The following MAPKAP1 variants were observed in gnomAD, a reference collection of about 807,000 sequenced individuals.
MAPKAP1 encodes MAPK associated protein 1, also known as target of rapamycin complex 2 subunit MAPKAP1.
Under a neutral mutation model 65.7 loss-of-function variants are expected in MAPKAP1, and 20 were observed. The ratio of observed to expected loss-of-function variants is 0.30; its 90% CI spans 0.21 to 0.44. MAPKAP1 has a LOEUF of 0.44. Ranked by LOEUF, MAPKAP1 falls within the 20% of genes least tolerant of loss-of-function variation. The pLI is 1.00. For missense variants in MAPKAP1, 423 were observed against 648.0 expected (o/e 0.65, Z 3.77); for synonymous variants, 222 against 244.3 (o/e 0.91, Z 0.85).
chr9:125,652,331 G>C (rs983592238), intron 4 of MAPKAP1: 2 of 977,670 alleles, frequency 2.0e-6, no homozygotes, highest in South Asian at 3.0e-5. Context: ...CTATTAACCA[G>C]TATGTGTTAA....
At chr9:125,524,499 A>AATTATAT (rs544827029) in intron 7 of MAPKAP1, among the ~76,000 whole-genome samples, 625 of 152,366 alleles carry the variant, frequency 4.1e-3, no homozygotes, top group Middle Eastern at 0.01. Context: ...TAAGAAGCTG[A>AATTATAT]ATTATATATC....
intron 10 of MAPKAP1, among the ~76,000 whole-genome samples, chr9:125,459,621 C>G (rs866453355): frequency 6.6e-6 from 1 of 152,098 alleles, no homozygotes; most frequent in Non-Finnish European, 1.5e-5. Context: ...GAGACCAGCC[C>G]GGCCAACTCA....
At chr9:125,565,448 GT>G (rs1016829073) in intron 5 of MAPKAP1, 202 of 169,110 alleles carry the variant, frequency 1.2e-3, no homozygotes, top group South Asian at 3.3e-3. Flanking sequence ...AATGCTTATT[GT>G]TTTTTTTTTA....
rs138461359 is a variant in MAPKAP1 at position 125,484,302 on chromosome 9, T to C, written c.1207+141A>G. On this transcript the variant is annotated intron_variant, in intron 9 of 11. Transcript: ENST00000265960. ...AGTGGGAAAAAGGATGTACTTCAAATTCCATTGTTTAAACATTTTCTCAGA... is the reference window on the plus strand; with the variant it reads ...AGTGGGAAAAAGGATGTACTTCAAACTCCATTGTTTAAACATTTTCTCAGA... The C allele has an allele frequency of 9.2e-4, 792 of 863,042 alleles. 6 individuals carry two copies. In the African/African-American group the frequency reaches 0.013, roughly 14 times the overall value. The allele number at this position is 863,042 out of a possible 1,614,324, so 53.5% of individuals were successfully genotyped here. A position where few individuals can be genotyped will look rare whatever the true frequency, so the allele number is the denominator to read the frequency against.
intron 10 of MAPKAP1, among the ~76,000 whole-genome samples, chr9:125,456,874 G>A (rs1853181664): frequency 6.6e-6 from 1 of 151,750 alleles, no homozygotes; most frequent in Non-Finnish European, 1.5e-5. Context: ...CTGTAAGACA[G>A]TAAATGTTAC....
intron 4 of MAPKAP1, among the ~76,000 whole-genome samples, chr9:125,631,679 T>A (rs1186809035): frequency 6.6e-6 from 1 of 152,188 alleles, no homozygotes; most frequent in Non-Finnish European, 1.5e-5. Flanking sequence ...AAACTCTTCT[T>A]GATCAAGCCT....
intron 4 of MAPKAP1, among the ~76,000 whole-genome samples, chr9:125,628,691 T>TAC (rs1833183509): frequency 6.6e-6 from 1 of 152,036 alleles, no homozygotes; most frequent in South Asian, 2.1e-4. Context: ...ACCAAAAGCA[T>TAC]GGGTAATCAA....
At chr9:125,565,647 C>T (rs1358398044) in intron 5 of MAPKAP1, 1 of 392,882 alleles carries the variant, frequency 2.5e-6, no homozygotes. Flanking sequence ...TTAAGGTGAT[C>T]AAGATTTCCT....
intron 7 of MAPKAP1, among the ~76,000 whole-genome samples, chr9:125,519,050 T>C (rs1589253236): frequency 6.6e-6 from 1 of 152,096 alleles, no homozygotes; most frequent in East Asian, 1.9e-4. Context: ...GGTGGAAAAA[T>C]CTCAGAGATT....
chr9:125,519,289 T>C (rs1829551108), intron 7 of MAPKAP1, among the ~76,000 whole-genome samples: 1 of 151,994 alleles, frequency 6.6e-6, no homozygotes, highest in African/African-American at 2.4e-5. Context: ...CTTAAAGGGG[T>C]TGAGCAGGCA....
At chr9:125,457,099 C>T (rs183410739) in intron 10 of MAPKAP1, among the ~76,000 whole-genome samples, 2 of 152,062 alleles carry the variant, frequency 1.3e-5, no homozygotes, top group African/African-American at 4.8e-5. Flanking sequence ...AGCGATTCTC[C>T]TGCCTCAGCC....
intron 4 of MAPKAP1, among the ~76,000 whole-genome samples, chr9:125,638,045 T>G (rs1164008428): frequency 6.6e-6 from 1 of 152,142 alleles, no homozygotes; most frequent in Non-Finnish European, 1.5e-5. Context: ...GTGCTGGGAT[T>G]ACAGGTCTGA....
intron 1 of MAPKAP1, among the ~76,000 whole-genome samples, chr9:125,690,553 C>G (rs1835135163): frequency 6.6e-6 from 1 of 152,166 alleles, no homozygotes; most frequent in South Asian, 2.1e-4. Context: ...CAGTGCCTAC[C>G]TCATAGGATT....
intron 4 of MAPKAP1, among the ~76,000 whole-genome samples, chr9:125,623,024 C>T (rs1230145725): frequency 3.3e-5 from 5 of 151,850 alleles, no homozygotes; most frequent in Admixed American, 2.0e-4. Flanking sequence ...TCTCCAGCCC[C>T]TAACCGCGAG....
At chr9:125,484,336 T>C (rs1053012008) in intron 9 of MAPKAP1, 107 bp downstream of exon 9, 33 of 1,153,480 alleles carry the variant, frequency 2.9e-5, no homozygotes, top group Non-Finnish European at 3.7e-5. Context: ...GAAAACAAAT[T>C]ACTTTTAGTC....
At chr9:125,589,594 G>A (rs937729893) in intron 4 of MAPKAP1, among the ~76,000 whole-genome samples, 4 of 152,122 alleles carry the variant, frequency 2.6e-5, no homozygotes, top group East Asian at 1.9e-4. Flanking sequence ...GCAATCATGC[G>A]GTTCCATCTT....
chr9:125,596,811 G>A (rs1832139820), intron 4 of MAPKAP1, among the ~76,000 whole-genome samples: 1 of 152,150 alleles, frequency 6.6e-6, no homozygotes, highest in Admixed American at 6.5e-5. Flanking sequence ...GACTGTATTT[G>A]TGACTAATTG....
chr9:125,567,566 C>T (rs1182723175), intron 5 of MAPKAP1: 2 of 152,236 alleles, frequency 1.3e-5, no homozygotes, highest in Non-Finnish European at 2.9e-5. Flanking sequence ...AATAGGCAAC[C>T]AGCAGCTCCC....
chr9:125,471,017 T>G (rs1223229288), intron 9 of MAPKAP1: 1 of 152,208 alleles, frequency 6.6e-6, no homozygotes, highest in African/African-American at 2.4e-5. Context: ...GAGTCACTAT[T>G]TAAAGAAACC....
Sources: allele counts gnomAD v4.1 joint callset (sites outside exome capture counted in the v4.1 genomes callset), GRCh38; gene constraint gnomAD v4.1.1; transcripts MANE v1.5; gene names NCBI Gene and HGNC (gene_info 2026-07-23, HGNC 2026-07-21).